The following SYNPR variants were observed in gnomAD, a reference collection of about 807,000 sequenced individuals.
SYNPR encodes the protein synaptoporin.
Under a neutral mutation model 32.9 loss-of-function variants are expected in SYNPR, and 23 were observed. That is an observed-to-expected ratio of 0.70 (90% CI 0.50 to 0.99). SYNPR has a LOEUF of 0.99. SYNPR is among the 50% of genes least tolerant of loss of function. SYNPR has a pLI of 0.00. For missense variants in SYNPR, 318 were observed against 349.3 expected (o/e 0.91, Z 0.71); for synonymous variants, 146 against 135.9 (o/e 1.07, Z -0.52).
intron 2 of SYNPR, among the ~76,000 whole-genome samples, chr3:63,471,821 G>A (rs1700805848): frequency 6.6e-6 from 1 of 152,206 alleles, no homozygotes; most frequent in South Asian, 2.1e-4. Context: ...GGAGGAGGGG[G>A]AGGCTCTGGG....
intron 4 of SYNPR, among the ~76,000 whole-genome samples, chr3:63,573,411 G>A (rs1175816317): frequency 6.6e-6 from 1 of 152,164 alleles, no homozygotes; most frequent in Non-Finnish European, 1.5e-5. Context: ...AAGGAAAGAT[G>A]TCAAGACCGT....
At chr3:63,222,908 A>G in the SYNPR span, among the ~76,000 whole-genome samples, 1 of 152,186 alleles carries the variant, frequency 6.6e-6, no homozygotes, top group African/African-American at 2.4e-5. Flanking sequence ...GGCTAGATTT[A>G]GGCATTTGTA....
intron 2 of SYNPR, among the ~76,000 whole-genome samples, chr3:63,423,113 AAC>A (rs1342274161): frequency 6.6e-6 from 1 of 152,230 alleles, no homozygotes; most frequent in African/African-American, 2.4e-5. Context: ...AAATATAGGT[AAC>A]ACATGTACAT....
intron 3 of SYNPR, among the ~76,000 whole-genome samples, chr3:63,540,025 A>T (rs1358424635): frequency 1.3e-5 from 2 of 152,150 alleles, no homozygotes; most frequent in Non-Finnish European, 2.9e-5. Context: ...AGCTTAATGT[A>T]GGAGGCATAT....
chr3:63,229,198 A>G (rs1330346532), intron 1 of SYNPR, among the ~76,000 whole-genome samples: 1 of 152,174 alleles, frequency 6.6e-6, no homozygotes, highest in Non-Finnish European at 1.5e-5. Flanking sequence ...CAAATTAGAG[A>G]TATTCATACT....
At chr3:63,208,990 T>C in the SYNPR span, among the ~76,000 whole-genome samples, 1 of 152,164 alleles carries the variant, frequency 6.6e-6, no homozygotes, top group Non-Finnish European at 1.5e-5. Flanking sequence ...TCCCAGGTCA[T>C]TGTCACTCCA....
chr3:63,279,870 C>T (rs2086612189), intron 2 of SYNPR, among the ~76,000 whole-genome samples: 1 of 152,170 alleles, frequency 6.6e-6, no homozygotes, highest in South Asian at 2.1e-4. Flanking sequence ...ATCAATATTG[C>T]ATACACCAGG....
intron 2 of SYNPR, among the ~76,000 whole-genome samples, chr3:63,360,229 C>T (rs983526334): frequency 6.6e-6 from 1 of 152,212 alleles, no homozygotes; most frequent in Non-Finnish European, 1.5e-5. Flanking sequence ...CATCTTCACT[C>T]TCTTTTTCTC....
chr3:63,278,259 G>A, upstream of SYNPR: 1 of 445,632 alleles, frequency 2.2e-6, no homozygotes, highest in South Asian at 4.2e-5. Context: ...GGCTCCATGG[G>A]TTTCCCCCTC....
At chr3:63,492,114 G>A (rs1701267176) in intron 3 of SYNPR, among the ~76,000 whole-genome samples, 1 of 152,074 alleles carries the variant, frequency 6.6e-6, no homozygotes, top group Non-Finnish European at 1.5e-5. Context: ...ACAAGAGAAA[G>A]GAGTGAAATC....
chr3:63,535,076 C>T (rs1462923075), intron 3 of SYNPR, among the ~76,000 whole-genome samples: 1 of 152,108 alleles, frequency 6.6e-6, no homozygotes, highest in African/African-American at 2.4e-5. Context: ...AATTAAGTAA[C>T]TTGCCTATGG....
At chr3:63,405,299 G>T (rs2088344068) in intron 2 of SYNPR, among the ~76,000 whole-genome samples, 1 of 152,166 alleles carries the variant, frequency 6.6e-6, no homozygotes, top group South Asian at 2.1e-4. Flanking sequence ...GTGAGGCTAT[G>T]AAACCACAAG....
intron 2 of SYNPR, among the ~76,000 whole-genome samples, chr3:63,367,296 A>G (rs1575612263): frequency 6.6e-6 from 1 of 152,160 alleles, no homozygotes; most frequent in East Asian, 1.9e-4. Context: ...ACATAAATAC[A>G]GTACATTCTG....
chr3:63,211,776 G>T, the SYNPR span, among the ~76,000 whole-genome samples: 1 of 142,528 alleles, frequency 7.0e-6, no homozygotes, highest in East Asian at 2.0e-4. Context: ...AGTTACATAT[G>T]TATACATGTG....
intron 2 of SYNPR, among the ~76,000 whole-genome samples, chr3:63,469,346 G>C (rs773570503): frequency 1.5e-4 from 23 of 152,058 alleles, no homozygotes; most frequent in Non-Finnish European, 2.9e-4. Flanking sequence ...CAGTAGCTGT[G>C]TGCATGAGCT....
chr3:63,358,059 G>C (rs1448613575), intron 2 of SYNPR, among the ~76,000 whole-genome samples: 3 of 152,132 alleles, frequency 2.0e-5, no homozygotes, highest in Non-Finnish European at 2.9e-5. Context: ...TTGCAGTATA[G>C]GGTGCCACAT....
chr3:63,282,661 C>T (rs186079932), intron 2 of SYNPR, among the ~76,000 whole-genome samples: 29 of 130,404 alleles, frequency 2.2e-4, no homozygotes, highest in Non-Finnish European at 3.1e-4. Flanking sequence ...TCATCCTGGA[C>T]GACAAAGTGA....
intron 2 of SYNPR, among the ~76,000 whole-genome samples, chr3:63,465,041 A>G (rs1383432413): frequency 6.6e-6 from 1 of 152,174 alleles, no homozygotes; most frequent in African/African-American, 2.4e-5. Flanking sequence ...TAAAACCAAT[A>G]TATTAAACAT....
chr3:63,471,493 C>T (rs577544102), intron 2 of SYNPR, among the ~76,000 whole-genome samples: 16 of 152,084 alleles, frequency 1.1e-4, no homozygotes, highest in South Asian at 4.2e-4. Context: ...TAGAAAAATA[C>T]GATTATCAGT....
Sources: allele counts gnomAD v4.1 joint callset (sites outside exome capture counted in the v4.1 genomes callset), GRCh38; gene constraint gnomAD v4.1.1; transcripts MANE v1.5; gene names NCBI Gene and HGNC (gene_info 2026-07-23, HGNC 2026-07-21).